Variants in XKR6 observed in about 807,000 individuals in gnomAD.
XKR6 encodes XK related 6.
XKR6 carries 22 observed loss-of-function variants against 56.7 expected under a neutral mutation model. That is an observed-to-expected ratio of 0.39 (90% confidence interval 0.28 to 0.55). The LOEUF (loss-of-function observed/expected upper bound fraction) is 0.55. XKR6 is among the 20% of genes least tolerant of loss of function. The probability of loss-of-function intolerance (pLI) is 0.66; values close to 1 mark genes in which losing one functional copy is unlikely to be tolerated. For synonymous variants in XKR6, 524 were observed against 387.8 expected (o/e 1.35, Z -4.13); for missense variants, 852 against 889.0 (o/e 0.96, Z 0.53).
intron 1 of XKR6, among the ~76,000 whole-genome samples, chr8:11,159,638 G>A (rs1225887267): frequency 1.3e-5 from 2 of 152,204 alleles, no homozygotes; most frequent in Non-Finnish European, 2.9e-5. Context: ...TCTTCAGGTG[G>A]GGCCTGGCAA....
intron 1 of XKR6, among the ~76,000 whole-genome samples, chr8:10,932,584 C>A (rs1357857258): frequency 2.6e-5 from 3 of 115,196 alleles, no homozygotes; most frequent in Non-Finnish European, 5.3e-5. Context: ...CCTCCCCCCA[C>A]CCCACCACAG....
intron 1 of XKR6, among the ~76,000 whole-genome samples, chr8:10,994,289 A>T (rs1798060688): frequency 6.6e-6 from 1 of 152,210 alleles, no homozygotes; most frequent in South Asian, 2.1e-4. Context: ...CTGTCTTCAG[A>T]GTCAGCCTCG....
chr8:10,914,051 C>T (rs1361112383), intron 2 of XKR6, among the ~76,000 whole-genome samples: 2 of 152,174 alleles, frequency 1.3e-5, no homozygotes, highest in Non-Finnish European at 2.9e-5. Context: ...GGGCAAATTC[C>T]AGACCCCTGG....
At chr8:11,124,581 C>T (rs750423624) in intron 1 of XKR6, 1 of 155,186 alleles carries the variant, frequency 6.4e-6, no homozygotes, top group Non-Finnish European at 1.4e-5. Context: ...ACTGTGAGTA[C>T]AAGAGCACTT....
At chr8:11,091,740 G>C (rs1468297692) in intron 1 of XKR6, among the ~76,000 whole-genome samples, 1 of 152,126 alleles carries the variant, frequency 6.6e-6, no homozygotes, top group African/African-American at 2.4e-5. Context: ...GTGGGGCCGG[G>C]TGAGTTACCT....
intron 1 of XKR6, among the ~76,000 whole-genome samples, chr8:11,191,541 A>C (rs962509217): frequency 2.6e-5 from 4 of 152,222 alleles, no homozygotes; most frequent in African/African-American, 9.6e-5. Context: ...AGTACTTCTG[A>C]CAAAAATTTG....
At chr8:11,132,852 A>T (rs1800180012) in intron 1 of XKR6, among the ~76,000 whole-genome samples, 1 of 121,932 alleles carries the variant, frequency 8.2e-6, no homozygotes, top group Non-Finnish European at 1.7e-5. Context: ...AATGCTTTGT[A>T]TGATGTGTGA....
At chr8:10,978,394 C>T (rs970433705) in intron 1 of XKR6, among the ~76,000 whole-genome samples, 1 of 152,142 alleles carries the variant, frequency 6.6e-6, no homozygotes, top group Non-Finnish European at 1.5e-5. Context: ...TAATAAATTT[C>T]CATGGATTTA....
At chr8:11,035,271 G>A (rs750251377) in intron 1 of XKR6, 2 of 534,652 alleles carry the variant, frequency 3.7e-6, no homozygotes, top group African/African-American at 1.9e-5. Flanking sequence ...ACACCATCGG[G>A]ATCACCGCCA....
chr8:11,148,109 C>G (rs1292294911), intron 1 of XKR6, among the ~76,000 whole-genome samples: 1 of 152,088 alleles, frequency 6.6e-6, no homozygotes, highest in Non-Finnish European at 1.5e-5. Context: ...ACTTGGGAAG[C>G]TGAGGCAGGA....
At chr8:11,180,870 G>GCAC (rs1802936740) in intron 1 of XKR6, among the ~76,000 whole-genome samples, 1 of 152,196 alleles carries the variant, frequency 6.6e-6, no homozygotes, top group South Asian at 2.1e-4. Context: ...TCATGTTATT[G>GCAC]CACTACAGCC....
chr8:11,111,414 G>C (rs1036874020), intron 1 of XKR6, among the ~76,000 whole-genome samples: 1 of 152,074 alleles, frequency 6.6e-6, no homozygotes, highest in African/African-American at 2.4e-5. Flanking sequence ...GATATAATTT[G>C]GGTGGACTTT....
chr8:10,976,501 C>A (rs560693269), intron 1 of XKR6, among the ~76,000 whole-genome samples: 8 of 152,116 alleles, frequency 5.3e-5, no homozygotes, highest in Non-Finnish European at 8.8e-5. Context: ...CTCTGCGCCC[C>A]CCGGGTGGTG....
At chr8:11,102,193 C>T (rs1457676262) in intron 1 of XKR6, among the ~76,000 whole-genome samples, 1 of 152,184 alleles carries the variant, frequency 6.6e-6, no homozygotes, top group Non-Finnish European at 1.5e-5. Flanking sequence ...GCAAGTTCGT[C>T]TTGGAATACT....
intron 1 of XKR6, among the ~76,000 whole-genome samples, chr8:11,086,020 T>C (rs1482747749): frequency 6.6e-6 from 1 of 151,848 alleles, no homozygotes; most frequent in Non-Finnish European, 1.5e-5. Context: ...CAAAGTCTCC[T>C]CCTTGGCAGG....
At chr8:10,983,480 A>G (rs1296982079) in intron 1 of XKR6, among the ~76,000 whole-genome samples, 1 of 152,156 alleles carries the variant, frequency 6.6e-6, no homozygotes, top group African/African-American at 2.4e-5. Flanking sequence ...GAAAGATAGA[A>G]AAGGTAAAGA....
At chr8:11,008,474 G>A (rs997166189) in intron 1 of XKR6, among the ~76,000 whole-genome samples, 15 of 131,544 alleles carry the variant, frequency 1.1e-4, no homozygotes, top group East Asian at 4.6e-4. Context: ...AGCCTGGAAC[G>A]CAGAGGCACA....
intron 1 of XKR6, among the ~76,000 whole-genome samples, chr8:11,126,353 A>C (rs1799796210): frequency 6.6e-6 from 1 of 152,156 alleles, no homozygotes; most frequent in Non-Finnish European, 1.5e-5. Flanking sequence ...GGCGTGAGCC[A>C]CTGTGCCCGG....
intron 1 of XKR6, among the ~76,000 whole-genome samples, chr8:11,166,364 T>C (rs1426982008): frequency 2.0e-5 from 3 of 152,140 alleles, no homozygotes; most frequent in Admixed American, 6.5e-5. Flanking sequence ...GCATCTGCTA[T>C]GGTCTGAAAG....
Sources: allele counts gnomAD v4.1 joint callset (sites outside exome capture counted in the v4.1 genomes callset), GRCh38; gene constraint gnomAD v4.1.1; transcripts MANE v1.5; gene names NCBI Gene and HGNC (gene_info 2026-07-23, HGNC 2026-07-21).